The following ANO5 variants were observed in gnomAD, a reference collection of about 807,000 sequenced individuals.
ANO5 encodes the protein anoctamin-5.
ANO5 carries 109 observed loss-of-function variants against 121.0 expected under a neutral mutation model. The ratio of observed to expected loss-of-function variants is 0.90; its 90% CI spans 0.77 to 1.06. The LOEUF (loss-of-function observed/expected upper bound fraction) is 1.06, where lower values mean the gene tolerates loss of function less well. ANO5 is among the 50% of genes least tolerant of loss of function. ANO5 has a pLI of 0.00. For synonymous variants in ANO5, 406 were observed against 359.9 expected (o/e 1.13, Z -1.45); for missense variants, 1,064 against 1,078.5 (o/e 0.99, Z 0.19).
rs778600673 is a variant in ANO5 at position 22,211,348 on chromosome 11, G to A, written c.138+34G>A. ...CGACCAGTACTATCCTTTCTTGCATGGACACAAATGGGGCATCTTTTTGTA... is the reference window on the plus strand; with the variant it reads ...CGACCAGTACTATCCTTTCTTGCATAGACACAAATGGGGCATCTTTTTGTA... On this transcript the variant is annotated intron_variant, in intron 3 of 21. Coordinates refer to ENST00000324559, the MANE Select transcript of ANO5 (RefSeq NM_213599.3). 26 of 1,597,276 alleles carry A rather than the reference G, an allele frequency of 1.6e-5. No homozygotes were observed. The South Asian group carries it at 2.4e-4, about 15-fold the overall frequency.
chr11:22,209,912 T>G (rs1564913431), intron 2 of ANO5, among the ~76,000 whole-genome samples: 1 of 151,922 alleles, frequency 6.6e-6, no homozygotes. Context: ...TGGAAAAACT[T>G]ATCAGGAGTC....
chr11:22,222,398 C>T (rs746722940), intron 5 of ANO5, among the ~76,000 whole-genome samples: 1 of 151,820 alleles, frequency 6.6e-6, no homozygotes, highest in Non-Finnish European at 1.5e-5. Context: ...CTCCCTTTTC[C>T]AATAATCTTA....
At position 22,212,342 on chromosome 11, in the gene ANO5, A is replaced by G. The variant is rs559707225; in HGVS notation, c.138+1028A>G. Among the ~76,000 whole-genome samples the G allele has an allele frequency of 2.0e-4, 31 of 151,994 alleles. No individual in the cohort carries two copies. The East Asian group carries it at 5.6e-3, about 28-fold the overall frequency. ...AGAAATCTTTCTTCTTTGTCCTCTC[A>G]GTCTTTTTGTATAATAGTTAGCATT... On this transcript the variant is annotated intron_variant, in intron 3 of 21. Coordinates refer to ENST00000324559, the MANE Select transcript of ANO5 (RefSeq NM_213599.3).
intron 7 of ANO5, among the ~76,000 whole-genome samples, chr11:22,235,123 T>G (rs952701817): frequency 6.6e-6 from 1 of 152,116 alleles, no homozygotes; most frequent in Non-Finnish European, 1.5e-5. Flanking sequence ...AATAATTTTT[T>G]CAAATAATGT....
rs5790246 is a variant in ANO5 at position 22,279,864 on chromosome 11, CTTT to C, written c.*111_*113del. The stretch of plus-strand genomic sequence containing the variant: ...AAGCCATGTGTCAATTTTACCCTTT[CTTT>C]TTTTTTTTTTTCTTTTTTTTTTTAA... On this transcript the variant is annotated 3_prime_UTR_variant, in exon 22 of 22. Transcript: ENST00000324559. 0.013 allele frequency: 9,263 copies of C among 716,062 alleles called. 3 individuals are homozygous for C. Among genetic ancestry groups the C allele is most frequent in the Middle Eastern group, 0.016 (39 of 2,436 alleles). 44.4% of individuals were successfully genotyped at this position (716,062 alleles called of 1,614,324 possible). A position where few individuals can be genotyped will look rare whatever the true frequency, so the allele number is the denominator to read the frequency against.
At chr11:22,253,148 A>G (rs1233126468) in intron 12 of ANO5, among the ~76,000 whole-genome samples, 3 of 152,186 alleles carry the variant, frequency 2.0e-5, no homozygotes, top group South Asian at 2.1e-4. Flanking sequence ...GGCACAATCT[A>G]TAAGGCCCAA....
At chr11:22,243,545 G>C (rs1231171886) in intron 9 of ANO5, among the ~76,000 whole-genome samples, 3 of 151,862 alleles carry the variant, frequency 2.0e-5, no homozygotes, top group Non-Finnish European at 2.9e-5. Flanking sequence ...AATTCATCTG[G>C]TCTAGGGCAT....
At chr11:22,233,847 G>A (rs1564927203) in intron 7 of ANO5, among the ~76,000 whole-genome samples, 3 of 152,060 alleles carry the variant, frequency 2.0e-5, no homozygotes, top group South Asian at 2.1e-4. Context: ...GTCAACAAGC[G>A]AAATTCCTTG....
intron 5 of ANO5, among the ~76,000 whole-genome samples, chr11:22,222,662 C>T (rs1398182582): frequency 3.9e-5 from 6 of 151,936 alleles, no homozygotes; most frequent in African/African-American, 7.2e-5. Flanking sequence ...TTACATATCC[C>T]GCCAAGTCCC....
chr11:22,279,015 A>C (rs1446384475), intron 21 of ANO5, among the ~76,000 whole-genome samples: 1 of 151,764 alleles, frequency 6.6e-6, no homozygotes, highest in Non-Finnish European at 1.5e-5. Context: ...GTGAAAGAAT[A>C]CCTGGATACA....
At chr11:22,216,821 G>A (rs1852461433) in intron 3 of ANO5, among the ~76,000 whole-genome samples, 1 of 151,734 alleles carries the variant, frequency 6.6e-6, no homozygotes, top group African/African-American at 2.4e-5. Flanking sequence ...TAGTTTTTAT[G>A]TTTAGGTCTG....
At chr11:22,197,363 T>A (rs77754298) in intron 1 of ANO5, among the ~76,000 whole-genome samples, 1 of 151,950 alleles carries the variant, frequency 6.6e-6, no homozygotes, top group Admixed American at 6.6e-5. Context: ...TTTTTTTTTT[T>A]TTGAGGTCTT....
intron 21 of ANO5, among the ~76,000 whole-genome samples, chr11:22,277,262 G>A (rs190173333): frequency 1.4e-4 from 21 of 151,512 alleles, no homozygotes; most frequent in Admixed American, 1.2e-3. Flanking sequence ...TATTTTTTTG[G>A]TCTCATTCTG....
At chr11:22,220,530 G>A (rs1564919506) in intron 4 of ANO5, among the ~76,000 whole-genome samples, 2 of 151,986 alleles carry the variant, frequency 1.3e-5, no homozygotes, top group Non-Finnish European at 2.9e-5. Context: ...TGATGTTGAA[G>A]GGCGAGTTGC....
At chr11:22,212,629 G>A (rs1340405791) in intron 3 of ANO5, among the ~76,000 whole-genome samples, 1 of 151,870 alleles carries the variant, frequency 6.6e-6, no homozygotes, top group Admixed American at 6.6e-5. Context: ...ATTCTTGCCT[G>A]TCTCATGGTA....
At chr11:22,233,553 A>G (rs1853114142) in intron 7 of ANO5, among the ~76,000 whole-genome samples, 1 of 152,080 alleles carries the variant, frequency 6.6e-6, no homozygotes, top group South Asian at 2.1e-4. Flanking sequence ...TGCATTATTA[A>G]CTGAAGAAAA....
At chr11:22,214,612 A>G (rs1012585515) in intron 3 of ANO5, among the ~76,000 whole-genome samples, 16 of 151,972 alleles carry the variant, frequency 1.1e-4, no homozygotes, top group African/African-American at 3.9e-4. Flanking sequence ...CTCATATACT[A>G]TAGACATTAT....
At chr11:22,228,758 AC>A (rs1407694568) in intron 7 of ANO5, among the ~76,000 whole-genome samples, 2 of 151,448 alleles carry the variant, frequency 1.3e-5, no homozygotes, top group African/African-American at 4.9e-5. Context: ...TTCTCTTCCT[AC>A]CTTAATGTCC....
At position 22,280,063 on chromosome 11, in the gene ANO5, G is replaced by A; in HGVS notation, c.*298G>A. 2.9e-6 allele frequency: 1 copy of A among 350,360 alleles called. No individual in the cohort carries two copies. The highest frequency in any genetic ancestry group is 5.2e-6 in the Non-Finnish European group (1 of 190,802). The allele number at this position is 350,360 out of a possible 1,614,324, so 21.7% of individuals were successfully genotyped here. A position where few individuals can be genotyped will look rare whatever the true frequency, so the allele number is the denominator to read the frequency against. On this transcript the variant is annotated 3_prime_UTR_variant, in exon 22 of 22. Transcript: ENST00000324559. Reference sequence around the variant, plus strand: ...TACTGGGAAATTATGGAGTCTTGCAGTTTAGTAAGAAACACTGGCCTTGGG... The same window carrying A: ...TACTGGGAAATTATGGAGTCTTGCAATTTAGTAAGAAACACTGGCCTTGGG...
Sources: gnomAD v4.1 joint callset for allele counts (sites outside exome capture counted in the v4.1 genomes callset) on GRCh38, gnomAD v4.1.1 for gene constraint, MANE v1.5 for transcripts, NCBI Gene and HGNC (gene_info 2026-07-23, HGNC 2026-07-21) for gene names.